The following CORO2A variants were observed in gnomAD, a reference collection of about 807,000 sequenced individuals.
The protein encoded by CORO2A is coronin-2A.
A neutral mutation model predicts 62.4 loss-of-function variants in CORO2A; 47 were observed. The observed-to-expected ratio is 0.75, with a 90% confidence interval of 0.60 to 0.96. The LOEUF (loss-of-function observed/expected upper bound fraction) is 0.96. Ranked by LOEUF, CORO2A falls within the 40% of genes least tolerant of loss-of-function variation. The pLI, the probability that CORO2A is intolerant of heterozygous loss-of-function variation, is 0.00. For synonymous variants in CORO2A, 273 were observed against 268.9 expected, an observed-to-expected ratio of 1.02 and a Z score of -0.15; for missense variants, 610 against 684.1, an observed-to-expected ratio of 0.89 and a Z score of 1.21.
intron 4 of CORO2A, among the ~76,000 whole-genome samples, chr9:98,134,532 T>C (rs935530342): frequency 3.3e-5 from 5 of 152,056 alleles, no homozygotes; most frequent in Non-Finnish European, 1.5e-5. Flanking sequence ...GCTCTCCTCT[T>C]CCTATAAGGA....
At position 98,189,536 on chromosome 9, in the gene CORO2A, C is replaced by T. The variant is rs557307153; in HGVS notation, c.-1+3023G>A. The stretch of plus-strand genomic sequence containing the variant: ...CATTTAATGAATCTCCTTCCAATCT[C>T]GGCTTTGCTACTGAGATTTGTTCAC... On this transcript the variant is annotated intron_variant, in intron 1 of 11. Coordinates refer to ENST00000375077, the MANE Select transcript of CORO2A (RefSeq NM_052820.4). Among the ~76,000 whole-genome samples, 8 of 152,296 alleles carry T rather than the reference C, an allele frequency of 5.3e-5. No homozygotes were observed. The South Asian group carries it at 1.2e-3, about 24-fold the overall frequency.
intron 1 of CORO2A, among the ~76,000 whole-genome samples, chr9:98,180,094 ACGTCAGTG>A (rs1409540810): frequency 6.6e-6 from 1 of 152,110 alleles, no homozygotes; most frequent in Non-Finnish European, 1.5e-5. Flanking sequence ...ATTCTAAACA[ACGTCAGTG>A]CGTCAGTGCT....
chr9:98,137,780 G>C (rs1459658637), intron 2 of CORO2A, 92 bp from the exon 3 acceptor site: 2 of 917,272 alleles, frequency 2.2e-6, no homozygotes, highest in Non-Finnish European at 3.7e-6. Flanking sequence ...CAGTCAACAG[G>C]AAAACATAAG....
At chr9:98,137,130 T>C (rs2118823005) in intron 3 of CORO2A, among the ~76,000 whole-genome samples, 1 of 152,316 alleles carries the variant, frequency 6.6e-6, no homozygotes, top group East Asian at 1.9e-4. Flanking sequence ...TGAGTGAGAC[T>C]GAAGCTGCTG....
chr9:98,166,549 A>T (rs1191810535), intron 1 of CORO2A, among the ~76,000 whole-genome samples: 1 of 152,222 alleles, frequency 6.6e-6, no homozygotes, highest in Non-Finnish European at 1.5e-5. Context: ...AAACAATCTG[A>T]TTTAGTGCAC....
At chr9:98,173,910 A>C (rs984911967) in intron 1 of CORO2A, among the ~76,000 whole-genome samples, 7 of 152,202 alleles carry the variant, frequency 4.6e-5, no homozygotes, top group African/African-American at 1.7e-4. Flanking sequence ...TGAGATCGGG[A>C]GTTCGAGACT....
intron 2 of CORO2A, among the ~76,000 whole-genome samples, chr9:98,148,189 G>A (rs1202169921): frequency 6.6e-6 from 1 of 151,806 alleles, no homozygotes; most frequent in Admixed American, 6.6e-5. Context: ...GAGGTCAGGA[G>A]TTTGAGACCA....
intron 1 of CORO2A, among the ~76,000 whole-genome samples, chr9:98,184,929 T>G (rs1564221318): frequency 6.6e-6 from 1 of 152,210 alleles, no homozygotes; most frequent in Admixed American, 6.5e-5. Context: ...CATTTTGTAG[T>G]TCATAAAGCG....
Position 98,122,337 on chromosome 9 carries a change from G to C in CORO2A, c.*2437C>G, listed in dbSNP as rs1316643622. ...TCAGTTGGTCTGGAATGTGGCATGG[G>C]CATCTGTATTTCCTGCACGCTCCCA... On this transcript the variant is annotated 3_prime_UTR_variant, in exon 12 of 12. Coordinates refer to ENST00000375077, the MANE Select transcript of CORO2A (RefSeq NM_052820.4). The C allele has an allele frequency of 6.6e-6, 1 of 152,234 alleles. No homozygotes were observed. Among genetic ancestry groups the C allele is most frequent in the African/African-American group, 2.4e-5 (1 of 41,418 alleles). 9.4% of individuals were successfully genotyped at this position (152,234 alleles called of 1,614,324 possible).
At position 98,123,495 on chromosome 9, in the gene CORO2A, CT is replaced by C. The variant is rs778918442; in HGVS notation, c.*1278del. On this transcript the variant is annotated 3_prime_UTR_variant, in exon 12 of 12. Coordinates refer to ENST00000375077, the MANE Select transcript of CORO2A (RefSeq NM_052820.4). ...CTTAGTCTTCCCCTATTCTCTCTCT[CT>C]TTTTTTTTTTTTTTTTGGAGATGGA... 0.082 allele frequency: 11,867 copies of C among 144,126 alleles called. 457 individuals carry two copies. Among genetic ancestry groups the C allele is most frequent in the Non-Finnish European group, 0.12 (7,882 of 65,446 alleles). 8.9% of individuals were successfully genotyped at this position (144,126 alleles called of 1,614,324 possible).
At chr9:98,138,411 C>CAAA (rs35123837) in intron 2 of CORO2A, among the ~76,000 whole-genome samples, 1 of 99,256 alleles carries the variant, frequency 1.0e-5, no homozygotes. Flanking sequence ...AACTATGTCT[C>CAAA]AAAAAAAAAA....
intron 2 of CORO2A, among the ~76,000 whole-genome samples, chr9:98,155,487 C>T (rs887897239): frequency 6.6e-6 from 1 of 151,640 alleles, no homozygotes; most frequent in African/African-American, 2.4e-5. Context: ...GCTGGGATTA[C>T]AGGTGCCCGC....
chr9:98,149,215 A>T (rs1183170343), intron 2 of CORO2A, among the ~76,000 whole-genome samples: 1 of 151,320 alleles, frequency 6.6e-6, no homozygotes, highest in Non-Finnish European at 1.5e-5. Context: ...TTAATTAAAA[A>T]GAAAAAAGCA....
chr9:98,167,428 C>CTGTA (rs1391966973), intron 1 of CORO2A, among the ~76,000 whole-genome samples: 2 of 152,170 alleles, frequency 1.3e-5, no homozygotes, highest in Admixed American at 1.3e-4. Context: ...TACCACTGAA[C>CTGTA]TGTACACTTA....
intron 10 of CORO2A, among the ~76,000 whole-genome samples, chr9:98,127,137 A>G (rs187836010): frequency 1.3e-3 from 202 of 152,286 alleles, no homozygotes; most frequent in African/African-American, 4.6e-3. Flanking sequence ...AGTCCCACCC[A>G]CACTGCACCC....
intron 1 of CORO2A, among the ~76,000 whole-genome samples, chr9:98,191,613 C>A (rs1298906900): frequency 6.6e-6 from 1 of 152,150 alleles, no homozygotes; most frequent in African/African-American, 2.4e-5. Flanking sequence ...TGCAAGGGGG[C>A]AGCAAGACCT....
Position 98,137,601 on chromosome 9 carries a change from C to T in CORO2A, c.289G>A (p.Glu97Lys). 5.0e-6 allele frequency: 8 copies of T among 1,614,240 alleles called. No homozygotes were observed. Among genetic ancestry groups the T allele is most frequent in the Non-Finnish European group, 6.8e-6 (8 of 1,180,048 alleles). The change falls in exon 3 of 12, where the codon GAG (glutamate) becomes AAG (lysine). Residue 97 changes from glutamate to lysine, a missense_variant. Transcript: ENST00000375077. Reference protein sequence around the residue: ...DVKWNPFDDFEIASCSEDATI... With the variant: ...DVKWNPFDDFKIASCSEDATI... ...GCATCTTCAGAACAGGAGGCGATCT[C>T]AAAATCATCAAAAGGGTTCCACTTG...
In CORO2A at chr9:98,174,149, A is replaced by G. The variant is rs556934599; in HGVS notation, c.1-16489T>C. ...CGCCAAAACAAAAAACAAAAAAAAA[A>G]AACCAAAGAGCGTGTAGCCCTGGCC... is the stretch of plus-strand genomic sequence containing the variant. On this transcript the variant is annotated intron_variant, in intron 1 of 11. Coordinates refer to ENST00000375077, the MANE Select transcript of CORO2A (RefSeq NM_052820.4). Among the ~76,000 whole-genome samples the G allele has an allele frequency of 5.0e-3, 752 of 151,264 alleles. 4 individuals are homozygous for G. Among genetic ancestry groups the G allele is most frequent in the African/African-American group, 0.017 (714 of 41,070 alleles).
Position 98,124,863 on chromosome 9 carries a change from G to T in CORO2A, c.1489C>A (p.Leu497Ile), listed in dbSNP as rs143895097. ...TCTCGCTGGGTCAACAGCTCCCGGA[G>T]CCTTCGGATCTCCTCCTGTTGCCGG... ...FYRQQEEIRR[L>I]RELLTQREVQ... Residue 497 changes from leucine to isoleucine, a missense_variant, in exon 12 of 12, where the codon CTC (leucine) becomes ATC (isoleucine). Transcript: ENST00000375077. The T allele has an allele frequency of 3.1e-4, 489 of 1,589,084 alleles. 1 individual carries two copies. The African/African-American group carries it at 6.1e-3, about 20-fold the overall frequency.
Sources: allele counts gnomAD v4.1 joint callset (sites outside exome capture counted in the v4.1 genomes callset), GRCh38; gene constraint gnomAD v4.1.1; transcripts MANE v1.5; gene names NCBI Gene and HGNC (gene_info 2026-07-23, HGNC 2026-07-21).